PTK2: variants seen among roughly 807,000 people sequenced by gnomAD.
PTK2 encodes focal adhesion kinase 1.
In PTK2, 45 loss-of-function variants were observed where a neutral mutation model predicts 150.1. That is an observed-to-expected ratio of 0.30 (90% CI 0.24 to 0.38). The LOEUF (loss-of-function observed/expected upper bound fraction) is 0.38, where lower values mean the gene tolerates loss of function less well. PTK2 is among the 10% of genes least tolerant of loss of function. The probability of loss-of-function intolerance (pLI) is 1.00; values close to 1 mark genes in which losing one functional copy is unlikely to be tolerated. For synonymous variants in PTK2, 432 were observed against 449.2 expected, an observed-to-expected ratio of 0.96 and a Z score of 0.48; for missense variants, 919 against 1,307.3, an observed-to-expected ratio of 0.70 and a Z score of 4.58.
In PTK2 at chr8:140,739,135, T is replaced by C. The variant is rs1423806916; in HGVS notation, c.1736-28A>G. 4 of 1,454,662 alleles carry C rather than the reference T, an allele frequency of 2.7e-6. No individual in the cohort carries two copies. In the East Asian group the frequency reaches 7.1e-5, roughly 26 times the overall value. The allele number at this position is 1,454,662 out of a possible 1,614,324, so 90.1% of individuals were successfully genotyped here. ...AGAAGATTAATTTTAGAAAATAAAT[T>C]TTCCTTGTTATCTGCTTAAGAATCT... On this transcript the variant is annotated intron_variant, in intron 20 of 31. Coordinates refer to ENST00000522684, the Ensembl canonical transcript of PTK2.
chr8:140,818,401 A>G (rs777114539), intron 9 of PTK2, 47 bp from the exon 10 acceptor site: 11 of 1,518,878 alleles, frequency 7.2e-6, no homozygotes, highest in Non-Finnish European at 1.0e-5. Flanking sequence ...GAAGGAAAAA[A>G]GAAATACTTT....
chr8:140,982,064 TAAA>T (rs142919207), intron 1 of PTK2, among the ~76,000 whole-genome samples: 8,460 of 112,268 alleles, frequency 0.075, 336 homozygotes, highest in African/African-American at 0.15. Context: ...ACCAACTCAA[TAAA>T]AAAAAAAAAA....
intron 23 of PTK2, among the ~76,000 whole-genome samples, chr8:140,713,076 C>T (rs1201083532): frequency 6.6e-6 from 1 of 152,158 alleles, no homozygotes; most frequent in Non-Finnish European, 1.5e-5. Flanking sequence ...GCTAACATGC[C>T]CTTCCCATGT....
chr8:140,818,176 A>C, intron 10 of PTK2, 101 bp downstream of exon 10: 1 of 1,153,392 alleles, frequency 8.7e-7, no homozygotes, highest in Non-Finnish European at 1.3e-6. Context: ...CAATAGGAAA[A>C]TTTAATTGTA....
intron 1 of PTK2, among the ~76,000 whole-genome samples, chr8:140,948,069 T>C (rs1586754680): frequency 2.0e-5 from 3 of 152,194 alleles, no homozygotes; most frequent in East Asian, 1.9e-4. Flanking sequence ...AGGGGCTAAA[T>C]CTAACTCCGA....
chr8:140,973,292 T>C (rs551310544), intron 1 of PTK2, among the ~76,000 whole-genome samples: 15 of 152,352 alleles, frequency 9.8e-5, no homozygotes, highest in African/African-American at 3.6e-4. Flanking sequence ...CTGGGGACCC[T>C]GACCCACAGC....
intron 3 of PTK2, among the ~76,000 whole-genome samples, chr8:140,883,910 G>A (rs867027482): frequency 3.3e-5 from 5 of 151,988 alleles, no homozygotes; most frequent in Non-Finnish European, 5.9e-5. Flanking sequence ...AAATAAAGAC[G>A]TCAGCAGGGA....
intron 23 of PTK2, among the ~76,000 whole-genome samples, chr8:140,711,875 C>A (rs1013494874): frequency 6.6e-6 from 1 of 152,134 alleles, no homozygotes; most frequent in African/African-American, 2.4e-5. Flanking sequence ...CACTAGTATT[C>A]CTCCATTGAT....
chr8:140,703,595 C>T (rs1413199579), intron 24 of PTK2, among the ~76,000 whole-genome samples: 1 of 138,100 alleles, frequency 7.2e-6, no homozygotes, highest in East Asian at 1.9e-4. Flanking sequence ...TATCCCCCAA[C>T]AAGAATAACA....
intron 8 of PTK2, chr8:140,822,167 T>C (rs2100109033): frequency 6.6e-6 from 1 of 152,246 alleles, no homozygotes; most frequent in African/African-American, 2.4e-5. Flanking sequence ...ACTCTGGACC[T>C]AGAACAAATC....
chr8:140,674,380 G>A (rs376658357), exon 29 of PTK2: 3 of 1,600,758 alleles, frequency 1.9e-6, no homozygotes, highest in East Asian at 2.2e-5. Context: ...AGGGCGAGGC[G>A]GTTTCTTTGG....
intron 2 of PTK2, among the ~76,000 whole-genome samples, chr8:140,899,852 A>G (rs1389433329): frequency 2.6e-5 from 4 of 152,218 alleles, no homozygotes; most frequent in South Asian, 2.1e-4. Context: ...AGAAAAAACC[A>G]TATGGTCTCA....
chr8:140,735,367 C>T (rs1347419347), exon 22 of PTK2: 5 of 1,614,040 alleles, frequency 3.1e-6, no homozygotes, highest in Non-Finnish European at 4.2e-6. Flanking sequence ...GTAATCTTTC[C>T]CCATTTTCAA....
intron 2 of PTK2, chr8:140,921,177 T>C (rs2100167267): frequency 2.6e-6 from 3 of 1,145,414 alleles, no homozygotes; most frequent in Middle Eastern, 3.5e-4. Flanking sequence ...CTGAACAGAA[T>C]GAAACCAGCT....
At chr8:140,909,597 T>G (rs1005429521) in intron 2 of PTK2, 2 of 152,144 alleles carry the variant, frequency 1.3e-5, no homozygotes, top group African/African-American at 4.8e-5. Flanking sequence ...ATTATACAAC[T>G]CTTAAGTCAC....
At chr8:140,817,555 A>C (rs1015995039) in intron 10 of PTK2, among the ~76,000 whole-genome samples, 1 of 152,034 alleles carries the variant, frequency 6.6e-6, no homozygotes, top group African/African-American at 2.4e-5. Flanking sequence ...CAGTACACCC[A>C]CCCTCACACT....
chr8:140,816,382 T>C (rs1343533932), intron 10 of PTK2, among the ~76,000 whole-genome samples: 3 of 152,236 alleles, frequency 2.0e-5, no homozygotes, highest in African/African-American at 7.2e-5. Context: ...CACAAAAATT[T>C]ATTCTGTTTT....
chr8:140,817,708 C>G (rs1423124637), intron 10 of PTK2, among the ~76,000 whole-genome samples: 1 of 152,018 alleles, frequency 6.6e-6, no homozygotes, highest in Non-Finnish European at 1.5e-5. Context: ...GACTGCCTGG[C>G]ACCAAGCAGG....
chr8:140,979,590 TGTGGAA>T (rs1451435429), intron 1 of PTK2, among the ~76,000 whole-genome samples: 1 of 152,172 alleles, frequency 6.6e-6, no homozygotes, highest in African/African-American at 2.4e-5. Context: ...CAGACAAGGA[TGTGGAA>T]CAACAGGAGT....
Sources: allele counts gnomAD v4.1 joint callset (sites outside exome capture counted in the v4.1 genomes callset), GRCh38; gene constraint gnomAD v4.1.1; transcripts MANE v1.5; gene names NCBI Gene and HGNC (gene_info 2026-07-23, HGNC 2026-07-21).